Variants in MFSD2B observed in about 807,000 individuals in gnomAD.
MFSD2B encodes sphingosine-1-phosphate transporter MFSD2B.
A neutral mutation model predicts 58.4 loss-of-function variants in MFSD2B; 56 were observed. The observed-to-expected ratio is 0.96, with a 90% CI of 0.77 to 1.20. The LOEUF (loss-of-function observed/expected upper bound fraction) is 1.20. Ranked by LOEUF, MFSD2B falls within the 50% of genes most tolerant of loss-of-function variation. The pLI is 0.00. For synonymous variants in MFSD2B, 287 were observed against 294.4 expected, an observed-to-expected ratio of 0.97 and a Z score of 0.26; for missense variants, 645 against 667.6, an observed-to-expected ratio of 0.97 and a Z score of 0.37.
chr2:24,020,059 G>A lies in MFSD2B; in HGVS notation c.682-1589G>A, dbSNP rs78620583. Among the ~76,000 whole-genome samples the A allele has an allele frequency of 5.5e-3, 831 of 152,352 alleles. 5 individuals are homozygous for A. The highest frequency in any genetic ancestry group is 0.018 in the African/African-American group (768 of 41,580). On this transcript the variant is annotated intron_variant, in intron 6 of 13. Transcript: ENST00000338315. This position sits in a 1 kb window ranked among gnomAD's most constrained non-coding sequence, Gnocchi z 4.1. ...ACATGCCTCCCAGCTACACGACCAC[G>A]TCCAGGACCTGGTGCTAGCTGTCCT...
chr2:24,026,260 A>G lies in MFSD2B; in HGVS notation c.*804A>G, dbSNP rs556830489. 6.6e-6 allele frequency: 1 copy of G among 152,392 alleles called. No homozygotes were observed. The highest frequency in any genetic ancestry group is 2.4e-5 in the African/African-American group (1 of 41,590). The allele number at this position is 152,392 out of a possible 1,614,324, so 9.4% of individuals were successfully genotyped here. On this transcript the variant is annotated 3_prime_UTR_variant, in exon 14 of 14. Transcript: ENST00000338315. ...TATATATGTATGTATATAAATATAT[A>G]GAAATCCTAAATGGTCCCTGTGACA...
Position 24,026,395 on chromosome 2 carries a change from G to A in MFSD2B, c.*939G>A, listed in dbSNP as rs1662980011. On this transcript the variant is annotated 3_prime_UTR_variant, in exon 14 of 14. Transcript: ENST00000338315. ...GGGGAACATCTTTTGTTATACATAA[G>A]AAGCCCTTTTCAAACAGATCTGAGT... 2.0e-5 allele frequency: 3 copies of A among 152,210 alleles called. No individual in the cohort carries two copies. In the South Asian group the frequency reaches 6.2e-4, roughly 31 times the overall value. The allele number at this position is 152,210 out of a possible 1,614,324, so 9.4% of individuals were successfully genotyped here. A position where few individuals can be genotyped will look rare whatever the true frequency, so the allele number is the denominator to read the frequency against.
In MFSD2B at chr2:24,012,035, G is replaced by C. The variant is rs954731403; in HGVS notation, c.97-1250G>C. Among the ~76,000 whole-genome samples, 5 of 152,048 alleles carry C rather than the reference G, an allele frequency of 3.3e-5. No individual in the cohort carries two copies. The highest frequency in any genetic ancestry group is 1.3e-4 in the Admixed American group (2 of 15,242). The stretch of plus-strand genomic sequence containing the variant: ...AAGGAGAGCTATTTGAGGTGAGGTG[G>C]GTAGGGGGCCGACTGGGTGGACTCC... On this transcript the variant is annotated intron_variant, in intron 1 of 13. Coordinates refer to ENST00000338315, the MANE Select transcript of MFSD2B (RefSeq NM_001346880.2). The surrounding 1 kb of genome is among the most constrained non-coding windows in gnomAD (Gnocchi z 4.5).
Position 24,017,080 on chromosome 2 carries a change from C to A in MFSD2B, c.471+112C>A. ...TGCCGCCCTCCCCACCCGCCTGTGC[C>A]TGGACCATGCCATTGGCACTCGCCA... On this transcript the variant is annotated intron_variant, in intron 4 of 13. Coordinates refer to ENST00000338315, the MANE Select transcript of MFSD2B (RefSeq NM_001346880.2). This position sits in a 1 kb window ranked among gnomAD's most constrained non-coding sequence, Gnocchi z 4.8. 6.7e-7 allele frequency: 1 copy of A among 1,495,852 alleles called. No homozygotes were observed. 92.7% of individuals were successfully genotyped at this position (1,495,852 alleles called of 1,614,324 possible). A position where few individuals can be genotyped will look rare whatever the true frequency, so the allele number is the denominator to read the frequency against.
chr2:24,010,128 G>A lies in MFSD2B; in HGVS notation c.32G>A (p.Gly11Glu). Reference sequence around the variant, plus strand: ...GCGCCCCCTGCACCAGCCGCCAAGGGGTCCCCGCAGCCGGAGCCGCACGCC... The same window carrying A: ...GCGCCCCCTGCACCAGCCGCCAAGGAGTCCCCGCAGCCGGAGCCGCACGCC... MAAPPAPAAK[G>E]SPQPEPHAPE... Residue 11 changes from glycine (G) to glutamate (E), a missense_variant, in exon 1 of 14, where the codon GGG becomes GAG. By Grantham distance (98) the Gly-to-Glu change is moderately conservative. Transcript: ENST00000338315. The A allele has an allele frequency of 6.8e-7, 1 of 1,462,580 alleles. No homozygotes were observed. The allele number at this position is 1,462,580 out of a possible 1,614,324, so 90.6% of individuals were successfully genotyped here. A position where few individuals can be genotyped will look rare whatever the true frequency, so the allele number is the denominator to read the frequency against.
In MFSD2B at chr2:24,017,330, C is replaced by G. The variant is rs1573637273; in HGVS notation, c.516C>G (p.Pro172=). ...PYTALTMLLT[P]CPRERDSATA... is the part of the protein sequence containing the mutation. ...CAGCGCTCACCATGCTGCTGACTCC[C>G]TGCCCAAGGGAGCGGGACTCGGCCA... is the stretch of plus-strand genomic sequence containing the variant. The change falls in exon 5 of 14, where the codon CCC becomes CCG. Residue 172 remains proline, a synonymous_variant. Transcript: ENST00000338315. The surrounding 1 kb of genome is among the most constrained non-coding windows in gnomAD (Gnocchi z 4.8). 3.7e-6 allele frequency: 6 copies of G among 1,606,948 alleles called. No homozygotes were observed. In the East Asian group the frequency reaches 1.1e-4, roughly 30 times the overall value.
rs772191276 is a variant in MFSD2B at position 24,018,381 on chromosome 2, G to C, written c.681+793G>C. The C allele has an allele frequency of 7.0e-4, 123 of 176,576 alleles. 2 individuals carry two copies. The highest frequency in any genetic ancestry group is 2.3e-3 in the Middle Eastern group (1 of 444). The allele number at this position is 176,576 out of a possible 1,614,324, so 10.9% of individuals were successfully genotyped here. ...CTTGCCTTCTGCCACCTCCCTGTGC[G>C]GTCAGGTGCCCTTTGAAAGGAGTTT... On this transcript the variant is annotated intron_variant, in intron 6 of 13. Transcript: ENST00000338315.
Position 24,010,163 on chromosome 2 carries a change from G to A in MFSD2B, c.67G>A (p.Gly23Ser), listed in dbSNP as rs1708904957. The A allele has an allele frequency of 1.6e-5, 23 of 1,449,140 alleles. No homozygotes were observed. Among genetic ancestry groups the A allele is most frequent in the Non-Finnish European group, 2.1e-5 (23 of 1,105,726 alleles). The allele number at this position is 1,449,140 out of a possible 1,614,324, so 89.8% of individuals were successfully genotyped here. Residue 23 changes from glycine (G) to serine (S), a missense_variant, in exon 1 of 14, where the codon GGC (glycine) becomes AGC (serine). Gly to Ser is a moderately conservative substitution (Grantham distance 56). Coordinates refer to ENST00000338315, the MANE Select transcript of MFSD2B (RefSeq NM_001346880.2). ...PQPEPHAPEP[G>S]PGSAKRGRED... ...GCCGGAGCCGCACGCCCCAGAGCCC[G>A]GCCCGGGGAGCGCCAAGCGAGGGCG...
chr2:24,024,255 C>T lies in MFSD2B; in HGVS notation c.1474C>T (p.Arg492Trp), dbSNP rs1174359820. ...GACACCCAGTCGGGACGCCTCCAGCCGGCTGAGCCTTCGGAGGTAAGCCCC... is the reference window on the plus strand; with the variant it reads ...GACACCCAGTCGGGACGCCTCCAGCTGGCTGAGCCTTCGGAGGTAAGCCCC... Reference protein sequence around the residue: ...PKTPSRDASSRLSLRRRTSYS... With the variant: ...PKTPSRDASSWLSLRRRTSYS... The change falls in exon 13 of 14, where the codon CGG becomes TGG. Residue 492 changes from arginine to tryptophan, a missense_variant. Transcript: ENST00000338315. This position sits in a 1 kb window ranked among gnomAD's most constrained non-coding sequence, Gnocchi z 4.3. The T allele has an allele frequency of 2.1e-5, 34 of 1,607,362 alleles. No individual in the cohort carries two copies. Among genetic ancestry groups the T allele is most frequent in the Non-Finnish European group, 2.5e-5 (30 of 1,177,300 alleles).
Position 24,017,488 on chromosome 2 carries a change from TG to T in MFSD2B, c.586del (p.Ala196ProfsTer44), listed in dbSNP as rs1558322813. 6.3e-7 allele frequency: 1 copy of T among 1,599,246 alleles called. No individual in the cohort carries two copies. The highest frequency in any genetic ancestry group is 1.3e-5 in the African/African-American group (1 of 74,800). The part of the protein sequence containing the change: ...RMTVEMAGTL[M>X]GATVHGLIVS... ...ACTGTGGAGATGGCGGGAACACTGA[TG>T]GGGGCCACTGTCCACGGGCTCATCG... On this transcript the variant is annotated frameshift_variant, in exon 6 of 14. Transcript: ENST00000338315. LOFTEE classifies it high-confidence loss of function. The surrounding 1 kb of genome is among the most constrained non-coding windows in gnomAD (Gnocchi z 4.8).
chr2:24,011,320 T>C (rs1306071970), intron 1 of MFSD2B, among the ~76,000 whole-genome samples: 1 of 152,242 alleles, frequency 6.6e-6, no homozygotes, highest in Non-Finnish European at 1.5e-5. Context: ...TAGGCCTGTT[T>C]TGGGGGATAC....
chr2:24,025,651 G>A lies in MFSD2B; in HGVS notation c.*195G>A, dbSNP rs2150943886. 5.0e-6 allele frequency: 3 copies of A among 599,944 alleles called. No individual in the cohort carries two copies. In the East Asian group the frequency reaches 8.3e-5, roughly 17 times the overall value. The allele number at this position is 599,944 out of a possible 1,614,324, so 37.2% of individuals were successfully genotyped here. A position where few individuals can be genotyped will look rare whatever the true frequency, so the allele number is the denominator to read the frequency against. On this transcript the variant is annotated 3_prime_UTR_variant, in exon 14 of 14. Transcript: ENST00000338315. ...CCCCACTTGGCATTTCTTGTCTGTT[G>A]CCTTCAGACTATCTCAGATAGGCCT...
chr2:24,023,413 A>AG lies in MFSD2B; in HGVS notation c.1170-165dup. ...GCAGTAGGAATGGCGGGGGGCCGGC[A>AG]GGGGGCTGGCGGGGGGTACGAGCAC... On this transcript the variant is annotated intron_variant, in intron 11 of 13. Transcript: ENST00000338315. The surrounding 1 kb of genome is among the most constrained non-coding windows in gnomAD (Gnocchi z 5.0). 1 of 876,348 alleles carries AG rather than the reference A, an allele frequency of 1.1e-6. No homozygotes were observed. The highest frequency in any genetic ancestry group is 1.7e-6 in the Non-Finnish European group (1 of 573,276). 54.3% of individuals were successfully genotyped at this position (876,348 alleles called of 1,614,324 possible). A position where few individuals can be genotyped will look rare whatever the true frequency, so the allele number is the denominator to read the frequency against.
Position 24,023,426 on chromosome 2 carries a change from G to A in MFSD2B, c.1170-157G>A, listed in dbSNP as rs917466120. 4.8e-5 allele frequency: 46 copies of A among 965,282 alleles called. No homozygotes were observed. The highest frequency in any genetic ancestry group is 6.5e-5 in the African/African-American group (4 of 61,578). 59.8% of individuals were successfully genotyped at this position (965,282 alleles called of 1,614,324 possible). A position where few individuals can be genotyped will look rare whatever the true frequency, so the allele number is the denominator to read the frequency against. On this transcript the variant is annotated intron_variant, in intron 11 of 13. Transcript: ENST00000338315. The surrounding 1 kb of genome is among the most constrained non-coding windows in gnomAD (Gnocchi z 5.0). The stretch of plus-strand genomic sequence containing the variant: ...CGGGGGGCCGGCAGGGGGCTGGCGG[G>A]GGGTACGAGCACACAGGCCATCTGC...
rs754700806 is a variant in MFSD2B, at chr2:24,016,923, C to G, written c.426C>G (p.Gly142=). 7 of 1,613,952 alleles carry G rather than the reference C, an allele frequency of 4.3e-6. No homozygotes were observed. Among genetic ancestry groups the G allele is most frequent in the East Asian group, 4.5e-5 (2 of 44,860 alleles). ...TGCCCCCCTTCACCAGCCTGCGAGG[C>G]CTCTGGTACACGACTTTCTACTGCC... ...WFLPPFTSLR[G]LWYTTFYCLF... Residue 142 remains glycine, a synonymous_variant, in exon 4 of 14, where the codon GGC becomes GGG. Transcript: ENST00000338315.
rs368135709 is a variant in MFSD2B at position 24,023,106 on chromosome 2, C to T, written c.1060-24C>T. The T allele has an allele frequency of 5.0e-6, 8 of 1,589,580 alleles. No individual in the cohort carries two copies. The highest frequency in any genetic ancestry group is 6.9e-6 in the Non-Finnish European group (8 of 1,161,632). Reference sequence around the variant, plus strand: ...CCCCACGAAGAAGCAGGTGGCGGGACAGCTGGTGTGTGTGTCTCCCCAGGC... The same window carrying T: ...CCCCACGAAGAAGCAGGTGGCGGGATAGCTGGTGTGTGTGTCTCCCCAGGC... On this transcript the variant is annotated intron_variant, in intron 10 of 13. Coordinates refer to ENST00000338315, the MANE Select transcript of MFSD2B (RefSeq NM_001346880.2). This position sits in a 1 kb window ranked among gnomAD's most constrained non-coding sequence, Gnocchi z 5.0.
At chr2:24,015,203 A>C (rs909422952) in intron 2 of MFSD2B, among the ~76,000 whole-genome samples, 2 of 151,978 alleles carry the variant, frequency 1.3e-5, no homozygotes, top group African/African-American at 4.8e-5. Context: ...TGGGAGGTCA[A>C]GGCGGGAGGA....
intron 13 of MFSD2B, 25 bp from the exon 14 acceptor site, chr2:24,025,407 C>T (rs775215999): frequency 6.5e-7 from 1 of 1,535,930 alleles, no homozygotes; most frequent in South Asian, 1.2e-5. Context: ...CCATCCTTCT[C>T]CTTGGCTTCC....
In MFSD2B at chr2:24,025,434, G is replaced by A. The variant is rs569029224; in HGVS notation, c.1493G>A (p.Arg498Lys). 9.8e-6 allele frequency: 15 copies of A among 1,536,098 alleles called. No individual in the cohort carries two copies. In the African/African-American group the frequency reaches 2.1e-4, roughly 21 times the overall value. Residue 498 changes from arginine to lysine, a missense_variant and splice_region_variant, in exon 14 of 14, where the codon AGG (arginine) becomes AAG (lysine). Arg to Lys is a conservative substitution (Grantham distance 26). Transcript: ENST00000338315. ...TTGGCTTCCTTCCCTTCCCACAGGAGGACCAGCTACAGCCTGGCCTAAAGC... is the reference window on the plus strand; with the variant it reads ...TTGGCTTCCTTCCCTTCCCACAGGAAGACCAGCTACAGCCTGGCCTAAAGC... Reference protein sequence around the residue: ...DASSRLSLRRRTSYSLA With the variant: ...DASSRLSLRRKTSYSLA
Sources: gnomAD v4.1 joint callset for allele counts (sites outside exome capture counted in the v4.1 genomes callset) on GRCh38, gnomAD v4.1.1 for gene constraint, Gnocchi (gnomAD v3.1) non-coding constraint, MANE v1.5 for transcripts, NCBI Gene and HGNC (gene_info 2026-07-23, HGNC 2026-07-21) for gene names.